Variants in ABCC12 observed in about 807,000 individuals in gnomAD.
The protein encoded by ABCC12 is ATP-binding cassette sub-family C member 12.
ABCC12 carries 142 observed loss-of-function variants against 151.1 expected under a neutral mutation model. The observed-to-expected ratio is 0.94, with a 90% CI of 0.82 to 1.08. The LOEUF (loss-of-function observed/expected upper bound fraction) is 1.08, where lower values mean the gene tolerates loss of function less well. Among genes scored for constraint, ABCC12 ranks in the 50% least tolerant of loss-of-function variants. The pLI, the probability that ABCC12 is intolerant of heterozygous loss-of-function variation, is 0.00. For missense variants in ABCC12, 1,638 were observed against 1,691.1 expected, an observed-to-expected ratio of 0.97 and a Z score of 0.55; for synonymous variants, 645 against 646.4, an observed-to-expected ratio of 1.00 and a Z score of 0.03.
chr16:48,146,301 C>G lies in ABCC12; in HGVS notation c.119+5G>C. On this transcript the variant is annotated splice_donor_5th_base_variant and intron_variant, in intron 3 of 30. Coordinates refer to ENST00000311303, the MANE Select transcript of ABCC12 (RefSeq NM_001393797.1). ...GCCCTCCCTTCTGTCCTTCTTCTGA[C>G]TTACCTTGCACAGGGTCGCACTGGG... 6.2e-7 allele frequency: 1 copy of G among 1,613,950 alleles called. No individual in the cohort carries two copies. Among genetic ancestry groups the G allele is most frequent in the Non-Finnish European group, 8.5e-7 (1 of 1,179,854 alleles).
chr16:48,109,315 G>C (rs535019363), intron 18 of ABCC12, among the ~76,000 whole-genome samples: 2 of 152,200 alleles, frequency 1.3e-5, no homozygotes, highest in Admixed American at 1.3e-4. Flanking sequence ...GTCTGTCCCA[G>C]GTTCTTCCAT....
intron 12 of ABCC12, 111 bp downstream of exon 12, chr16:48,124,102 A>G: frequency 8.6e-7 from 1 of 1,162,928 alleles, no homozygotes. Flanking sequence ...AACCACATGC[A>G]CAGTGTCCAG....
At chr16:48,141,461 C>G (rs1276012011) in intron 4 of ABCC12, 108 bp from the exon 5 acceptor site, 44 of 1,433,536 alleles carry the variant, frequency 3.1e-5, no homozygotes, top group African/African-American at 4.3e-5. Context: ...GCCCCCCTCC[C>G]TGGCAGTGGT....
chr16:48,101,106 G>A (rs1963292997), intron 22 of ABCC12, 97 bp from the exon 23 acceptor site: 2 of 1,395,180 alleles, frequency 1.4e-6, no homozygotes, highest in African/African-American at 1.5e-5. Context: ...TCAGCACAGT[G>A]CTTAAGTCAG....
intron 12 of ABCC12, among the ~76,000 whole-genome samples, chr16:48,123,339 G>A (rs557620477): frequency 6.6e-5 from 10 of 152,250 alleles, no homozygotes; most frequent in East Asian, 1.9e-4. Context: ...CTCTCAGAGC[G>A]TGGGTGACCT....
At chr16:48,092,826 C>T (rs1225346864) in intron 24 of ABCC12, among the ~76,000 whole-genome samples, 1 of 152,102 alleles carries the variant, frequency 6.6e-6, no homozygotes, top group African/African-American at 2.4e-5. Flanking sequence ...CGAGCTGAGG[C>T]ATTTATGATA....
intron 13 of ABCC12, among the ~76,000 whole-genome samples, chr16:48,119,625 A>G (rs1964001662): frequency 6.6e-6 from 1 of 152,228 alleles, no homozygotes. Flanking sequence ...GAGGAGGTGA[A>G]TTGACAAGCC....
In ABCC12 at chr16:48,145,924, A is replaced by G. The variant is rs185709040; in HGVS notation, c.119+382T>C. On this transcript the variant is annotated intron_variant, in intron 3 of 30. Coordinates refer to ENST00000311303, the MANE Select transcript of ABCC12 (RefSeq NM_001393797.1). The stretch of plus-strand genomic sequence containing the variant: ...CTGCTAAGTGTTGAGACAGTCTGTT[A>G]CAAAGCAAAAGCTACCTGGTAAACC... 1.3e-3 allele frequency among the ~76,000 whole-genome samples: 202 copies of G among 152,376 alleles called. 1 individual carries two copies. The highest frequency in any genetic ancestry group is 2.2e-3 in the Non-Finnish European group (148 of 68,042).
intron 19 of ABCC12, among the ~76,000 whole-genome samples, chr16:48,107,861 G>A (rs535440625): frequency 6.6e-5 from 10 of 152,282 alleles, no homozygotes; most frequent in Non-Finnish European, 1.5e-4. Context: ...AATTAGCCAG[G>A]CATAGTGGCG....
rs2160563 is a variant in ABCC12, at chr16:48,141,719, A to G, written c.276-366T>C. ...TTGTTCATTTCAAAGATCTGGAAGA[A>G]GACCAGAGAGACAGGAGTGTGGTGC... On this transcript the variant is annotated intron_variant, in intron 4 of 30. Coordinates refer to ENST00000311303, the MANE Select transcript of ABCC12 (RefSeq NM_001393797.1). 7.6e-4 allele frequency among the ~76,000 whole-genome samples: 116 copies of G among 152,382 alleles called. 1 individual carries two copies. Among genetic ancestry groups the G allele is most frequent in the Admixed American group, 5.2e-3 (80 of 15,306 alleles).
intron 27 of ABCC12, chr16:48,087,611 C>T (rs1197582225): frequency 8.5e-6 from 2 of 235,768 alleles, no homozygotes; most frequent in Middle Eastern, 1.3e-3. Context: ...TGATGGGATA[C>T]TGGGACACAG....
intron 15 of ABCC12, among the ~76,000 whole-genome samples, 182 bp from the exon 16 acceptor site, chr16:48,112,092 G>A (rs1055172393): frequency 5.9e-5 from 9 of 151,988 alleles, no homozygotes; most frequent in South Asian, 2.1e-4. Flanking sequence ...ACTAGATGTC[G>A]GTAGCACCCC....
chr16:48,140,568 TGG>T, intron 6 of ABCC12, 117 bp downstream of exon 6: 1 of 945,718 alleles, frequency 1.1e-6, no homozygotes, highest in Non-Finnish European at 1.6e-6. Flanking sequence ...TGGGACATGA[TGG>T]GCAGGTCATA....
At chr16:48,136,934 T>C (rs917204619) in intron 8 of ABCC12, among the ~76,000 whole-genome samples, 1 of 152,228 alleles carries the variant, frequency 6.6e-6, no homozygotes, top group Non-Finnish European at 1.5e-5. Flanking sequence ...ATGTCTGACC[T>C]AACAGGCCAT....
chr16:48,101,268 G>A (rs1269469612), intron 22 of ABCC12, among the ~76,000 whole-genome samples: 4 of 152,054 alleles, frequency 2.6e-5, no homozygotes, highest in African/African-American at 7.2e-5. Context: ...GGAAAGTCTC[G>A]CTCCACAAGG....
intron 24 of ABCC12, among the ~76,000 whole-genome samples, chr16:48,093,024 T>C (rs1282737746): frequency 2.0e-5 from 3 of 152,126 alleles, no homozygotes; most frequent in Non-Finnish European, 4.4e-5. Flanking sequence ...TTTAGAGCAA[T>C]GGCTCTCAAC....
At chr16:48,131,675 A>G (rs1964431213) in intron 9 of ABCC12, among the ~76,000 whole-genome samples, 1 of 152,194 alleles carries the variant, frequency 6.6e-6, no homozygotes, top group Non-Finnish European at 1.5e-5. Flanking sequence ...CCAAATTGTA[A>G]TTAGCAGCCG....
In ABCC12 at chr16:48,081,846, C is replaced by A. The variant is rs1285155613; in HGVS notation, c.*1869G>T. On this transcript the variant is annotated 3_prime_UTR_variant, in exon 31 of 31. Coordinates refer to ENST00000311303, the MANE Select transcript of ABCC12 (RefSeq NM_001393797.1). ...TCATGAAAACACCACCTCTTGAAAT[C>A]ACAGACTGATTATCTGGCTGGTGTC... Among the ~76,000 whole-genome samples, 1 of 152,194 alleles carries A rather than the reference C, an allele frequency of 6.6e-6. No homozygotes were observed. Among genetic ancestry groups the A allele is most frequent in the Non-Finnish European group, 1.5e-5 (1 of 68,036 alleles).
At chr16:48,088,110 A>C in intron 26 of ABCC12, 25 bp from the exon 27 acceptor site, 1 of 1,608,636 alleles carries the variant, frequency 6.2e-7, no homozygotes, top group Non-Finnish European at 8.5e-7. Flanking sequence ...AGTAAGAACA[A>C]CAAATCAAAC....
Sources: gnomAD v4.1 joint callset for allele counts (sites outside exome capture counted in the v4.1 genomes callset) on GRCh38, gnomAD v4.1.1 for gene constraint, MANE v1.5 for transcripts, NCBI Gene and HGNC (gene_info 2026-07-23, HGNC 2026-07-21) for gene names.